CLSTN2: variants seen among roughly 807,000 people sequenced by gnomAD.
CLSTN2 encodes calsyntenin-2.
A neutral mutation model predicts 101.2 loss-of-function variants in CLSTN2; 48 were observed. The ratio of observed to expected loss-of-function variants is 0.47; its 90% CI spans 0.38 to 0.60. CLSTN2 has a LOEUF of 0.60. Among genes scored for constraint, CLSTN2 ranks in the 20% least tolerant of loss-of-function variants. CLSTN2 has a pLI of 0.00. For synonymous variants in CLSTN2, 481 were observed against 463.6 expected (o/e 1.04, Z -0.48); for missense variants, 1,160 against 1,238.2 (o/e 0.94, Z 0.95).
chr3:139,971,673 G>C (rs766677903), intron 1 of CLSTN2, among the ~76,000 whole-genome samples: 2 of 152,190 alleles, frequency 1.3e-5, no homozygotes, highest in Non-Finnish European at 2.9e-5. Context: ...GAGCAGGAAG[G>C]TACCTTGAAT....
intron 2 of CLSTN2, among the ~76,000 whole-genome samples, chr3:140,306,928 C>T (rs2107913852): frequency 6.6e-6 from 1 of 151,098 alleles, no homozygotes; most frequent in Non-Finnish European, 1.5e-5. Flanking sequence ...CATGGTTTGG[C>T]TGTGTCCCCA....
chr3:140,397,161 T>C (rs1175085142), intron 2 of CLSTN2, among the ~76,000 whole-genome samples: 1 of 152,108 alleles, frequency 6.6e-6, no homozygotes, highest in Non-Finnish European at 1.5e-5. Flanking sequence ...AGTGCCATTG[T>C]TTACATTTTT....
intron 5 of CLSTN2, among the ~76,000 whole-genome samples, chr3:140,445,979 T>G (rs923170150): frequency 7.3e-5 from 11 of 150,952 alleles, no homozygotes; most frequent in Admixed American, 2.0e-4. Flanking sequence ...ACTGGAGAAA[T>G]CCCGGAAGGA....
Position 140,573,497 on chromosome 3 carries a change from G to A in CLSTN2, c.*7244G>A, listed in dbSNP as rs1985629194. On this transcript the variant is annotated 3_prime_UTR_variant, in exon 17 of 17. Coordinates refer to ENST00000458420, the MANE Select transcript of CLSTN2 (RefSeq NM_022131.3). ...ATTCACCAATTCTCCTTTCCCCTGAGGCCCAGCAACTATTGATTTATAGCT... is the reference window on the plus strand; with the variant it reads ...ATTCACCAATTCTCCTTTCCCCTGAAGCCCAGCAACTATTGATTTATAGCT... 6.6e-6 allele frequency: 1 copy of A among 152,186 alleles called. No homozygotes were observed. Among genetic ancestry groups the A allele is most frequent in the Admixed American group, 6.5e-5 (1 of 15,284 alleles). 9.4% of individuals were successfully genotyped at this position (152,186 alleles called of 1,614,324 possible). A position where few individuals can be genotyped will look rare whatever the true frequency, so the allele number is the denominator to read the frequency against.
At chr3:140,536,000 C>T (rs577290985) in intron 9 of CLSTN2, among the ~76,000 whole-genome samples, 2 of 136,696 alleles carry the variant, frequency 1.5e-5, no homozygotes, top group East Asian at 3.2e-4. Context: ...AAGAATGCTG[C>T]GTTCCCCTTA....
intron 2 of CLSTN2, among the ~76,000 whole-genome samples, chr3:140,274,859 A>G (rs7626588): frequency 0.95 from 144,898 of 152,184 alleles, 69,172 homozygotes; most frequent in Non-Finnish European, 0.99. Context: ...ATCAGGAAAT[A>G]TTCCAGACAC....
intron 1 of CLSTN2, among the ~76,000 whole-genome samples, chr3:140,029,020 A>G (rs2007490687): frequency 6.6e-6 from 1 of 152,220 alleles, no homozygotes; most frequent in African/African-American, 2.4e-5. Flanking sequence ...AGCACTGACT[A>G]GCATGGAGTA....
chr3:140,332,704 G>C (rs1576519258), intron 2 of CLSTN2, among the ~76,000 whole-genome samples: 1 of 98,726 alleles, frequency 1.0e-5, no homozygotes, highest in Non-Finnish European at 2.5e-5. Flanking sequence ...TTCTTTTCTG[G>C]CAAAAAAAAA....
intron 2 of CLSTN2, among the ~76,000 whole-genome samples, chr3:140,303,266 G>A (rs1183877063): frequency 1.3e-5 from 2 of 152,202 alleles, no homozygotes; most frequent in Non-Finnish European, 2.9e-5. Context: ...AACCAGAGGA[G>A]GCCAAGATGT....
chr3:140,102,377 A>T (rs1328699052), intron 1 of CLSTN2, among the ~76,000 whole-genome samples: 1 of 152,220 alleles, frequency 6.6e-6, no homozygotes, highest in East Asian at 1.9e-4. Context: ...GTGCTCAGAC[A>T]TTATTTCAGG....
chr3:140,432,830 C>A (rs916841873), intron 5 of CLSTN2, among the ~76,000 whole-genome samples: 1 of 152,160 alleles, frequency 6.6e-6, no homozygotes, highest in Non-Finnish European at 1.5e-5. Context: ...TCATCCCAAA[C>A]AGTACTCAAT....
rs186732957 is a variant in CLSTN2 at position 140,421,171 on chromosome 3, G to C, written c.684G>C (p.Gln228His). Residue 228 changes from glutamine to histidine, a missense_variant, in exon 5 of 17, where the codon CAG becomes CAC. Transcript: ENST00000458420. The stretch of plus-strand genomic sequence containing the variant: ...AGCTGAGCTATGACAAACAACACCA[G>C]TATGAGATCCTGGTGACCGCCTACG... ...TEKLSYDKQH[Q>H]YEILVTAYDC... is the part of the protein sequence containing the mutation. The C allele has an allele frequency of 2.5e-6, 4 of 1,614,146 alleles. No homozygotes were observed. The highest frequency in any genetic ancestry group is 2.5e-6 in the Non-Finnish European group (3 of 1,179,994).
chr3:140,417,063 CATT>C (rs778180603), intron 4 of CLSTN2, among the ~76,000 whole-genome samples: 5 of 152,152 alleles, frequency 3.3e-5, no homozygotes, highest in Non-Finnish European at 5.9e-5. Context: ...CCAAAGTAAC[CATT>C]ATTAACAGTT....
chr3:140,193,333 G>A (rs2010600196), intron 2 of CLSTN2, among the ~76,000 whole-genome samples: 1 of 144,084 alleles, frequency 6.9e-6, no homozygotes, highest in Non-Finnish European at 1.5e-5. Flanking sequence ...AGGCCTGCTG[G>A]TGACAAATTC....
intron 2 of CLSTN2, among the ~76,000 whole-genome samples, chr3:140,268,105 G>A (rs567049869): frequency 6.6e-6 from 1 of 152,192 alleles, no homozygotes; most frequent in South Asian, 2.1e-4. Context: ...GAGCTATCGG[G>A]GTGAACCGCT....
chr3:140,511,058 A>C (rs1165336747), intron 8 of CLSTN2, among the ~76,000 whole-genome samples: 1 of 151,878 alleles, frequency 6.6e-6, no homozygotes, highest in African/African-American at 2.4e-5. Context: ...TCCCCCCACC[A>C]TGTGTGTCTA....
At chr3:140,447,236 T>A (rs759293533) in intron 5 of CLSTN2, among the ~76,000 whole-genome samples, 3 of 152,232 alleles carry the variant, frequency 2.0e-5, no homozygotes, top group Admixed American at 1.3e-4. Flanking sequence ...TGACAAACAT[T>A]TGGGATTAGT....
At chr3:140,102,286 A>G (rs1414368028) in intron 1 of CLSTN2, among the ~76,000 whole-genome samples, 2 of 152,194 alleles carry the variant, frequency 1.3e-5, no homozygotes, top group African/African-American at 4.8e-5. Flanking sequence ...CCCAAAGAGA[A>G]GTTGTACCAA....
chr3:139,995,995 C>G (rs1343306428), intron 1 of CLSTN2, among the ~76,000 whole-genome samples: 3 of 152,208 alleles, frequency 2.0e-5, no homozygotes, highest in Admixed American at 2.0e-4. Context: ...ATAGCTCAAA[C>G]TAAGCATCAT....
Sources: allele counts gnomAD v4.1 joint callset (sites outside exome capture counted in the v4.1 genomes callset), GRCh38; gene constraint gnomAD v4.1.1; transcripts MANE v1.5; gene names NCBI Gene and HGNC (gene_info 2026-07-23, HGNC 2026-07-21).